The following CACNA1B variants were observed in gnomAD, a reference collection of about 807,000 sequenced individuals.
The protein encoded by CACNA1B is calcium voltage-gated channel subunit alpha1 B.
A neutral mutation model predicts 247.2 loss-of-function variants in CACNA1B; 70 were observed. The observed-to-expected ratio is 0.28, with a 90% CI of 0.23 to 0.35. CACNA1B has a LOEUF of 0.35. Among genes scored for constraint, CACNA1B ranks in the 10% least tolerant of loss-of-function variants. The pLI is 1.00. For missense variants in CACNA1B, 2,367 were observed against 3,197.4 expected (o/e 0.74, Z 6.26); for synonymous variants, 1,231 against 1,294.4 (o/e 0.95, Z 1.05).
chr9:137,935,957 C>T (rs1002790441), intron 6 of CACNA1B, among the ~76,000 whole-genome samples: 26 of 152,254 alleles, frequency 1.7e-4, no homozygotes, highest in East Asian at 1.5e-3. Flanking sequence ...CCTGGGTTCA[C>T]GCCATTCTCC....
chr9:137,899,535 CT>C lies in CACNA1B; in HGVS notation c.531-13644del, dbSNP rs948159844. The stretch of plus-strand genomic sequence containing the variant: ...TGCCATGCCTAGCTCTTCTTCTCCC[CT>C]GTCCTTGCTTTGGAGCAGGCTAGGT... On this transcript the variant is annotated intron_variant, in intron 3 of 46. Coordinates refer to ENST00000371372, the MANE Select transcript of CACNA1B (RefSeq NM_000718.4). This position sits in a 1 kb window ranked among gnomAD's most constrained non-coding sequence, Gnocchi z 5.0. Among the ~76,000 whole-genome samples the C allele has an allele frequency of 6.6e-6, 1 of 152,210 alleles. No individual in the cohort carries two copies. The highest frequency in any genetic ancestry group is 1.5e-5 in the Non-Finnish European group (1 of 68,042).
At chr9:138,015,658 C>A (rs1204548835) in intron 18 of CACNA1B, among the ~76,000 whole-genome samples, 1 of 152,186 alleles carries the variant, frequency 6.6e-6, no homozygotes, top group Non-Finnish European at 1.5e-5. Flanking sequence ...TTGGGGTGTC[C>A]TTGGTGTTTG....
chr9:137,911,564 C>A lies in CACNA1B; in HGVS notation c.531-1616C>A, dbSNP rs141551814. Among the ~76,000 whole-genome samples, 25 of 152,274 alleles carry A rather than the reference C, an allele frequency of 1.6e-4. No individual in the cohort carries two copies. The East Asian group carries it at 3.9e-3, about 24-fold the overall frequency. ...CCGAGTAGCTGGAATTACAGGCATG[C>A]GCTACTGCGCCCAGCTAGTTTTTGT... On this transcript the variant is annotated intron_variant, in intron 3 of 46. Transcript: ENST00000371372.
chr9:138,047,334 C>A, intron 22 of CACNA1B, 65 bp from the exon 23 acceptor site: 1 of 1,255,298 alleles, frequency 8.0e-7, no homozygotes, highest in Non-Finnish European at 1.2e-6. Flanking sequence ...AACTCGGAGC[C>A]ACCGAGGGCA....
chr9:138,028,210 A>G (rs1205504466), intron 20 of CACNA1B, among the ~76,000 whole-genome samples: 1 of 151,648 alleles, frequency 6.6e-6, no homozygotes, highest in African/African-American at 2.4e-5. Flanking sequence ...TTTAGTAGAG[A>G]TAGGGTTTCG....
rs138186060 is a variant in CACNA1B at position 137,942,000 on chromosome 9, G to T, written c.967-10274G>T. Among the ~76,000 whole-genome samples, 5 of 152,224 alleles carry T rather than the reference G, an allele frequency of 3.3e-5. No homozygotes were observed. The East Asian group carries it at 9.7e-4, about 29-fold the overall frequency. On this transcript the variant is annotated intron_variant, in intron 6 of 46. Coordinates refer to ENST00000371372, the MANE Select transcript of CACNA1B (RefSeq NM_000718.4). ...ATAGCTGGGACTTAATTAAATCAAA[G>T]AACTTTTGCACAGCAAAAGAAACAG...
chr9:137,905,431 C>T (rs1159597249), intron 3 of CACNA1B, among the ~76,000 whole-genome samples: 1 of 151,102 alleles, frequency 6.6e-6, no homozygotes, highest in African/African-American at 2.4e-5. Context: ...CATTCATTTT[C>T]AAGAAGATTT....
chr9:137,955,716 A>T lies in CACNA1B; in HGVS notation c.1089A>T (p.Arg363=), dbSNP rs1957938342. Residue 363 remains arginine (R), a synonymous_variant, in exon 8 of 47, where the codon CGA becomes CGT. Transcript: ENST00000371372. This position sits in a 1 kb window ranked among gnomAD's most constrained non-coding sequence, Gnocchi z 6.9. ...ATGGTAGGGAGTTTGCCAAGGAGCG[A>T]GAGAGGGTGGAGAACCGCCGCGCCT... The part of the protein sequence containing the change: ...GVLSGEFAKE[R]ERVENRRAFL... The T allele has an allele frequency of 6.2e-7, 1 of 1,612,324 alleles. No homozygotes were observed. The highest frequency in any genetic ancestry group is 1.7e-5 in the Admixed American group (1 of 59,836).
Position 137,986,889 on chromosome 9 carries a change from C to A in CACNA1B, c.1974+35C>A. On this transcript the variant is annotated intron_variant, in intron 15 of 46. Coordinates refer to ENST00000371372, the MANE Select transcript of CACNA1B (RefSeq NM_000718.4). The surrounding 1 kb of genome is among the most constrained non-coding windows in gnomAD (Gnocchi z 6.0). ...CTGCTCTGCACATTTGCGGCCTGCC[C>A]GGCTCCCGTCTCCCCTGGGTGCTGG... The A allele has an allele frequency of 1.3e-6, 2 of 1,493,474 alleles. No individual in the cohort carries two copies. Among genetic ancestry groups the A allele is most frequent in the Non-Finnish European group, 1.9e-6 (2 of 1,071,256 alleles). The allele number at this position is 1,493,474 out of a possible 1,614,324, so 92.5% of individuals were successfully genotyped here. A position where few individuals can be genotyped will look rare whatever the true frequency, so the allele number is the denominator to read the frequency against.
chr9:138,090,468 GA>G (rs918595507), intron 36 of CACNA1B, among the ~76,000 whole-genome samples: 2 of 151,708 alleles, frequency 1.3e-5, no homozygotes, highest in African/African-American at 4.8e-5. Context: ...AAAATACAGG[GA>G]AAACACTTCA....
intron 36 of CACNA1B, among the ~76,000 whole-genome samples, chr9:138,080,320 G>C (rs1485333939): frequency 2.0e-5 from 3 of 152,170 alleles, no homozygotes; most frequent in Non-Finnish European, 2.9e-5. Context: ...ACATGTTTTG[G>C]GATGCAGGTA....
chr9:138,108,264 G>A (rs976726848), intron 39 of CACNA1B, among the ~76,000 whole-genome samples: 1 of 144,864 alleles, frequency 6.9e-6, no homozygotes, highest in Non-Finnish European at 1.5e-5. Context: ...AGCTGTGATG[G>A]TGCCACTGCA....
chr9:137,884,151 T>C (rs1254781270), intron 3 of CACNA1B, among the ~76,000 whole-genome samples: 4 of 152,180 alleles, frequency 2.6e-5, no homozygotes, highest in Admixed American at 2.0e-4. Context: ...GAGAGCAGCA[T>C]GTACAGAACT....
In CACNA1B at chr9:138,121,327, G is replaced by T. The variant is rs1353031479; in HGVS notation, c.6490-142G>T. On this transcript the variant is annotated intron_variant, in intron 46 of 46. Transcript: ENST00000371372. This position sits in a 1 kb window ranked among gnomAD's most constrained non-coding sequence, Gnocchi z 6.8. ...CACACAGGTGCCTGTTGCCTCCCTGGTCACCGCAGCCCGTTGTCCCCCATT... is the reference window on the plus strand; with the variant it reads ...CACACAGGTGCCTGTTGCCTCCCTGTTCACCGCAGCCCGTTGTCCCCCATT... 2 of 626,132 alleles carry T rather than the reference G, an allele frequency of 3.2e-6. No homozygotes were observed. Among genetic ancestry groups the T allele is most frequent in the East Asian group, 5.8e-5 (2 of 34,308 alleles). 38.8% of individuals were successfully genotyped at this position (626,132 alleles called of 1,614,324 possible). A position where few individuals can be genotyped will look rare whatever the true frequency, so the allele number is the denominator to read the frequency against.
chr9:137,989,731 C>G (rs77920641), intron 15 of CACNA1B, among the ~76,000 whole-genome samples: 2,472 of 152,234 alleles, frequency 0.016, 57 homozygotes, highest in African/African-American at 0.052. Context: ...GCTAAAGACA[C>G]TTTCAGACAC....
intron 10 of CACNA1B, among the ~76,000 whole-genome samples, chr9:137,958,503 C>T (rs534875693): frequency 6.6e-6 from 1 of 152,312 alleles, no homozygotes; most frequent in Non-Finnish European, 1.5e-5. Flanking sequence ...CCCCCCTTGT[C>T]GGGTGCAACC....
intron 10 of CACNA1B, among the ~76,000 whole-genome samples, chr9:137,960,429 AGAGACGG>A (rs1958005324): frequency 6.0e-5 from 1 of 16,566 alleles, no homozygotes; most frequent in Non-Finnish European, 1.3e-4. Flanking sequence ...GGTCAGCCTG[AGAGACGG>A]AGGGGGAGGG....
intron 39 of CACNA1B, among the ~76,000 whole-genome samples, chr9:138,110,098 A>C (rs75719097): frequency 0.21 from 30,455 of 145,320 alleles, 3,357 homozygotes; most frequent in East Asian, 0.47. Flanking sequence ...AACTTTTGCT[A>C]TATGATATAT....
chr9:138,047,073 C>T (rs528565844), intron 22 of CACNA1B, 40 bp downstream of exon 22: 8 of 1,567,248 alleles, frequency 5.1e-6, no homozygotes, highest in East Asian at 2.3e-5. Context: ...CAGGCTGTGG[C>T]GGGGGAGCTG....
Sources: allele counts gnomAD v4.1 joint callset (sites outside exome capture counted in the v4.1 genomes callset), GRCh38; gene constraint gnomAD v4.1.1; non-coding constraint Gnocchi (gnomAD v3.1); transcripts MANE v1.5; gene names NCBI Gene and HGNC (gene_info 2026-07-23, HGNC 2026-07-21).